The following ATP10A variants were observed in gnomAD, a reference collection of about 807,000 sequenced individuals.
ATP10A encodes phospholipid-transporting ATPase VA.
ATP10A carries 111 observed loss-of-function variants against 147.8 expected under a neutral mutation model. The ratio of observed to expected loss-of-function variants is 0.75; its 90% CI spans 0.64 to 0.88. The LOEUF is 0.88. Among genes scored for constraint, ATP10A ranks in the 40% least tolerant of loss-of-function variants. The pLI is 0.00. For synonymous variants in ATP10A, 875 were observed against 841.6 expected (o/e 1.04, Z -0.69); for missense variants, 1,927 against 1,959.0 (o/e 0.98, Z 0.31).
At chr15:25,819,765 C>A (rs1198958869) in intron 1 of ATP10A, among the ~76,000 whole-genome samples, 2 of 152,212 alleles carry the variant, frequency 1.3e-5, no homozygotes, top group East Asian at 3.9e-4. Context: ...GAAATCATGT[C>A]TTTTGCAGTG....
At chr15:25,785,848 C>T (rs374307010) in intron 1 of ATP10A, among the ~76,000 whole-genome samples, 158 of 152,308 alleles carry the variant, frequency 1.0e-3, no homozygotes, top group African/African-American at 3.6e-3. Flanking sequence ...AATGGGGGCA[C>T]CACCCACCTC....
chr15:25,733,637 C>T lies in ATP10A; in HGVS notation c.740+2419G>A, dbSNP rs1426068008. ...ACAGCCCTGTGGCAAGCCCAGAACA[C>T]CCCGGCTGGTGGAGATGGCGAATTA... On this transcript the variant is annotated intron_variant, in intron 3 of 20. Coordinates refer to ENST00000555815, the MANE Select transcript of ATP10A (RefSeq NM_024490.4). 3.3e-5 allele frequency among the ~76,000 whole-genome samples: 5 copies of T among 152,204 alleles called. No individual in the cohort carries two copies. The South Asian group carries it at 6.2e-4, about 19-fold the overall frequency.
At chr15:25,787,067 GT>G (rs1890205676) in intron 1 of ATP10A, among the ~76,000 whole-genome samples, 1 of 152,012 alleles carries the variant, frequency 6.6e-6, no homozygotes, top group African/African-American at 2.4e-5. Flanking sequence ...CTGACAGTAT[GT>G]TCCCACTTAC....
intron 1 of ATP10A, among the ~76,000 whole-genome samples, chr15:25,790,362 C>T (rs1489642901): frequency 6.6e-6 from 1 of 152,170 alleles, no homozygotes; most frequent in African/African-American, 2.4e-5. Context: ...AGAAATGTCC[C>T]AGATGTGTGG....
chr15:25,725,272 C>T (rs1386104108), intron 5 of ATP10A, among the ~76,000 whole-genome samples: 3 of 152,158 alleles, frequency 2.0e-5, no homozygotes, highest in Non-Finnish European at 4.4e-5. Context: ...CCCCTACATC[C>T]GTGGAAAAAA....
intron 8 of ATP10A, among the ~76,000 whole-genome samples, chr15:25,717,151 A>C (rs138055119): frequency 0.021 from 3,162 of 152,320 alleles, 43 homozygotes; most frequent in Middle Eastern, 0.031. Flanking sequence ...ATTGCCCTCT[A>C]GTCTTTTCGC....
chr15:25,778,581 A>G (rs1889741893), intron 2 of ATP10A, among the ~76,000 whole-genome samples: 2 of 152,128 alleles, frequency 1.3e-5, no homozygotes, highest in Admixed American at 1.3e-4. Flanking sequence ...TGCTAATAAA[A>G]CAATTTTTTA....
chr15:25,681,950 A>C (rs1260709443), intron 17 of ATP10A, among the ~76,000 whole-genome samples: 3 of 150,602 alleles, frequency 2.0e-5, no homozygotes, highest in Non-Finnish European at 4.4e-5. Flanking sequence ...GCTACTCAGG[A>C]GGCTGAGGCA....
At chr15:25,820,644 GA>G (rs1182872973) in intron 1 of ATP10A, among the ~76,000 whole-genome samples, 1 of 152,178 alleles carries the variant, frequency 6.6e-6, no homozygotes, top group Admixed American at 6.5e-5. Flanking sequence ...AGTGGTCTGG[GA>G]AAAAATGTTT....
At chr15:25,777,096 C>T (rs61991469) in intron 2 of ATP10A, among the ~76,000 whole-genome samples, 5,782 of 149,792 alleles carry the variant, frequency 0.039, 335 homozygotes, top group African/African-American at 0.13. Flanking sequence ...TGCATACGTG[C>T]GTGTGTGTGT....
chr15:25,704,897 G>C (rs1900884536), intron 12 of ATP10A, among the ~76,000 whole-genome samples: 1 of 152,196 alleles, frequency 6.6e-6, no homozygotes, highest in East Asian at 1.9e-4. Context: ...GGAGTTGGTG[G>C]TGTGCAGAGC....
At chr15:25,746,188 T>A (rs1887836414) in intron 2 of ATP10A, among the ~76,000 whole-genome samples, 1 of 151,498 alleles carries the variant, frequency 6.6e-6, no homozygotes, top group African/African-American at 2.4e-5. Context: ...TGGCAAAGAG[T>A]AACAAAAAGA....
rs1893862901 is a variant in ATP10A, at chr15:25,863,286, G to C, written c.-190C>G. On this transcript the variant is annotated 5_prime_UTR_variant, in exon 1 of 21. Coordinates refer to ENST00000555815, the MANE Select transcript of ATP10A (RefSeq NM_024490.4). ...CCCGCGCCCAGCCCCGTCCACTCCC[G>C]TCCAGCCCCGCCGCCCGGCCGCAGT... 4.8e-6 allele frequency: 1 copy of C among 206,838 alleles called. No homozygotes were observed. Among genetic ancestry groups the C allele is most frequent in the Admixed American group, 6.3e-5 (1 of 15,834 alleles). 12.8% of individuals were successfully genotyped at this position (206,838 alleles called of 1,614,324 possible).
intron 1 of ATP10A, among the ~76,000 whole-genome samples, chr15:25,823,060 A>G (rs1027629846): frequency 6.6e-6 from 1 of 152,172 alleles, no homozygotes; most frequent in African/African-American, 2.4e-5. Context: ...CTATTCAAAG[A>G]AGCAACATTT....
intron 1 of ATP10A, among the ~76,000 whole-genome samples, chr15:25,831,342 C>G (rs1011775558): frequency 2.0e-5 from 3 of 152,230 alleles, no homozygotes; most frequent in Admixed American, 1.3e-4. Flanking sequence ...AAATGCTGGA[C>G]TCACCCATGT....
intron 16 of ATP10A, 141 bp from the exon 17 acceptor site, chr15:25,683,627 T>C (rs1899550019): frequency 6.2e-6 from 5 of 805,932 alleles, no homozygotes; most frequent in Non-Finnish European, 9.8e-6. Flanking sequence ...AAGACAGCCA[T>C]GACCTTGAGC....
In ATP10A at chr15:25,698,213, C is replaced by A. The variant is rs565187714; in HGVS notation, c.2761-3067G>T. 3.9e-5 allele frequency among the ~76,000 whole-genome samples: 6 copies of A among 152,260 alleles called. No homozygotes were observed. In the South Asian group the frequency reaches 1.2e-3, roughly 32 times the overall value. ...TACTAGGCTAATGTAAGATCAGTAA[C>A]AATAAATTATGTATGGCATACATGA... is the stretch of plus-strand genomic sequence containing the variant. On this transcript the variant is annotated intron_variant, in intron 13 of 20. Transcript: ENST00000555815.
chr15:25,741,657 C>T (rs749452539), intron 2 of ATP10A, among the ~76,000 whole-genome samples: 11 of 152,122 alleles, frequency 7.2e-5, no homozygotes, highest in Non-Finnish European at 1.3e-4. Flanking sequence ...ATGGTCAGTG[C>T]TGTGGAAATT....
At chr15:25,746,625 C>A (rs1887857215) in intron 2 of ATP10A, among the ~76,000 whole-genome samples, 1 of 152,098 alleles carries the variant, frequency 6.6e-6, no homozygotes, top group Non-Finnish European at 1.5e-5. Context: ...AAACTAAATT[C>A]ATATAGGATT....
Sources: allele counts gnomAD v4.1 joint callset (sites outside exome capture counted in the v4.1 genomes callset), GRCh38; gene constraint gnomAD v4.1.1; transcripts MANE v1.5; gene names NCBI Gene and HGNC (gene_info 2026-07-23, HGNC 2026-07-21).